PML: variants seen among roughly 807,000 people sequenced by gnomAD.
The protein encoded by PML is protein PML.
Under a neutral mutation model 65.2 loss-of-function variants are expected in PML, and 28 were observed. That is an observed-to-expected ratio of 0.43 (90% CI 0.32 to 0.59). The LOEUF (loss-of-function observed/expected upper bound fraction) is 0.59, where lower values mean the gene tolerates loss of function less well. PML is among the 20% of genes least tolerant of loss of function. PML has a pLI of 0.08. For missense variants in PML, 1,021 were observed against 1,203.4 expected, an observed-to-expected ratio of 0.85 and a Z score of 2.24; for synonymous variants, 500 against 508.8, an observed-to-expected ratio of 0.98 and a Z score of 0.23.
At chr15:74,013,195 TCTC>T (rs1176159987) in intron 2 of PML, among the ~76,000 whole-genome samples, 6 of 152,220 alleles carry the variant, frequency 3.9e-5, no homozygotes, top group African/African-American at 7.2e-5. Flanking sequence ...TTAAATTACT[TCTC>T]CTCCATCTTC....
In PML at chr15:74,045,720, C is replaced by T. The variant is rs2071763935; in HGVS notation, c.*712C>T. On this transcript the variant is annotated 3_prime_UTR_variant, in exon 9 of 9. Coordinates refer to ENST00000268058, the MANE Select transcript of PML (RefSeq NM_033238.3). ...CTTTGGTCCTCAGGCCACCAGACCC[C>T]TCACAGCATGGCCCTTGGCTCTTCC... is the stretch of plus-strand genomic sequence containing the variant. 4.3e-6 allele frequency: 1 copy of T among 233,924 alleles called. No homozygotes were observed. The highest frequency in any genetic ancestry group is 2.2e-5 in the African/African-American group (1 of 45,350). 14.5% of individuals were successfully genotyped at this position (233,924 alleles called of 1,614,324 possible). A position where few individuals can be genotyped will look rare whatever the true frequency, so the allele number is the denominator to read the frequency against.
At chr15:74,040,914 C>G (rs938185275) in intron 7 of PML, among the ~76,000 whole-genome samples, 1 of 152,162 alleles carries the variant, frequency 6.6e-6, no homozygotes, top group African/African-American at 2.4e-5. Context: ...ATGGAAGGCT[C>G]TAAAAACGAG....
At position 73,998,014 on chromosome 15, in the gene PML, C is replaced by T; in HGVS notation, c.140C>T (p.Ala47Val). 6.2e-7 allele frequency: 1 copy of T among 1,612,098 alleles called. No individual in the cohort carries two copies. Among genetic ancestry groups the T allele is most frequent in the Non-Finnish European group, 8.5e-7 (1 of 1,179,774 alleles). ...TCTCTGGTCCCCCAGCGAGCCCCCG[C>T]TTCGGAGGAGGAGTTCCAGTTTCTG... ...PSPSPTERAP[A>V]SEEEFQFLRC... Residue 47 changes from alanine (A) to valine (V), a missense_variant, in exon 2 of 9, where the codon GCT becomes GTT. Ala to Val is a moderately conservative substitution (Grantham distance 64). Transcript: ENST00000268058.
chr15:74,018,322 C>CAA (rs10663510), intron 2 of PML, among the ~76,000 whole-genome samples: 1,237 of 94,784 alleles, frequency 0.013, 21 homozygotes, highest in African/African-American at 0.047. Flanking sequence ...GACTCAGTCT[C>CAA]AAAAAAAAAA....
Position 74,035,352 on chromosome 15 carries a change from G to A in PML, c.1710+822G>A, listed in dbSNP as rs754391223. On this transcript the variant is annotated intron_variant, in intron 7 of 8. Coordinates refer to ENST00000268058, the MANE Select transcript of PML (RefSeq NM_033238.3). This position sits in a 1 kb window ranked among gnomAD's most constrained non-coding sequence, Gnocchi z 4.1. Reference sequence around the variant, plus strand: ...GCCTCCCCACCAGCCCGCTGAGCAGGCTGCCACCCCCGATGCTGAGCCTCA... The same window carrying A: ...GCCTCCCCACCAGCCCGCTGAGCAGACTGCCACCCCCGATGCTGAGCCTCA... 6.2e-7 allele frequency: 1 copy of A among 1,612,080 alleles called. No homozygotes were observed. Among genetic ancestry groups the A allele is most frequent in the African/African-American group, 1.3e-5 (1 of 75,008 alleles).
chr15:74,031,342 T>C, intron 4 of PML: 1 of 408,896 alleles, frequency 2.4e-6, no homozygotes, highest in South Asian at 1.8e-5. Context: ...TGACACAATC[T>C]CGGCTCACTG....
At chr15:74,028,313 G>T (rs1329324076) in intron 4 of PML, 1 of 152,118 alleles carries the variant, frequency 6.6e-6, no homozygotes, top group African/African-American at 2.4e-5. Flanking sequence ...GGTTGGGACA[G>T]AGGCAGAGAA....
intron 2 of PML, among the ~76,000 whole-genome samples, chr15:74,014,880 A>G (rs1166353828): frequency 2.0e-5 from 3 of 152,216 alleles, no homozygotes; most frequent in Non-Finnish European, 4.4e-5. Context: ...CAGGGAACCC[A>G]CGTGGCAGTG....
In PML at chr15:73,994,888, C is replaced by A. The variant is rs1346221283; in HGVS notation, c.76C>A (p.Pro26Thr). Residue 26 changes from proline (P) to threonine (T), a missense_variant, in exon 1 of 9, where the codon CCC (proline) becomes ACC (threonine). By Grantham distance (38) the Pro-to-Thr change is conservative. Coordinates refer to ENST00000268058, the MANE Select transcript of PML (RefSeq NM_033238.3). Reference sequence around the variant, plus strand: ...GCCCCAGGAGCCCACCATGCCTCCCCCCGAGACCCCCTCTGAAGGCCGCCA... The same window carrying A: ...GCCCCAGGAGCCCACCATGCCTCCCACCGAGACCCCCTCTGAAGGCCGCCA... ...ARPQEPTMPP[P>T]ETPSEGRQPS... 1.9e-6 allele frequency: 3 copies of A among 1,552,210 alleles called. No homozygotes were observed. Among genetic ancestry groups the A allele is most frequent in the Admixed American group, 3.9e-5 (2 of 51,806 alleles).
intron 2 of PML, among the ~76,000 whole-genome samples, chr15:74,009,067 G>A (rs1264286576): frequency 2.0e-5 from 3 of 152,086 alleles, no homozygotes; most frequent in African/African-American, 4.8e-5. Flanking sequence ...GTGTGGAGAC[G>A]GCTGTGGTCC....
rs1261583266 is a variant in PML, at chr15:74,024,843, T to G, written c.1184-14T>G. 1.2e-6 allele frequency: 2 copies of G among 1,607,748 alleles called. No homozygotes were observed. The highest frequency in any genetic ancestry group is 1.7e-5 in the Admixed American group (1 of 60,000). On this transcript the variant is annotated splice_polypyrimidine_tract_variant and intron_variant, in intron 3 of 8. Coordinates refer to ENST00000268058, the MANE Select transcript of PML (RefSeq NM_033238.3). ...TGTCCTTGACCTGCCTGTGACCTTC[T>G]TTGTGTTCTACAGATGCAGCTGTAT...
chr15:74,013,404 A>G (rs1459525727), intron 2 of PML, among the ~76,000 whole-genome samples: 1 of 152,240 alleles, frequency 6.6e-6, no homozygotes, highest in African/African-American at 2.4e-5. Context: ...TTCACTTGAT[A>G]CATATTTTTA....
chr15:74,037,113 T>A lies in PML; in HGVS notation c.1710+2583T>A. On this transcript the variant is annotated intron_variant, in intron 7 of 8. Transcript: ENST00000268058. This position sits in a 1 kb window ranked among gnomAD's most constrained non-coding sequence, Gnocchi z 4.2. ...TGGGAAAACTATGAGTGGTTGCCTG[T>A]GACTGCTAAGGGCTCCTTGGTGCTC... 1.0e-6 allele frequency: 1 copy of A among 985,438 alleles called. No individual in the cohort carries two copies. The highest frequency in any genetic ancestry group is 1.2e-6 in the Non-Finnish European group (1 of 829,924). The allele number at this position is 985,438 out of a possible 1,614,324, so 61.0% of individuals were successfully genotyped here. A position where few individuals can be genotyped will look rare whatever the true frequency, so the allele number is the denominator to read the frequency against.
chr15:74,032,583 A>G lies in PML; in HGVS notation c.1266A>G (p.Ala422=), dbSNP rs1484373412. Residue 422 remains alanine (A), a synonymous_variant, in exon 5 of 9, where the codon GCA becomes GCG. Coordinates refer to ENST00000268058, the MANE Select transcript of PML (RefSeq NM_033238.3). ...TCCCAACTTTGCAGCCCGAGGAGGC[A>G]GAGAGAGTGAAGGCCCAGGTTCAGG... ...DPIDVDLPEE[A]ERVKAQVQAL... 1 of 1,614,078 alleles carries G rather than the reference A, an allele frequency of 6.2e-7. No homozygotes were observed. The highest frequency in any genetic ancestry group is 2.2e-5 in the East Asian group (1 of 44,878).
chr15:74,015,573 C>T (rs2070533766), intron 2 of PML, among the ~76,000 whole-genome samples: 2 of 152,194 alleles, frequency 1.3e-5, no homozygotes. Flanking sequence ...TAGCATGCTC[C>T]CCTGGCCCAA....
intron 2 of PML, among the ~76,000 whole-genome samples, chr15:74,002,611 G>GTTTTTTT (rs34203409): frequency 7.8e-6 from 1 of 128,850 alleles, no homozygotes; most frequent in Non-Finnish European, 1.6e-5. Context: ...GCCCGGCTAA[G>GTTTTTTT]TTTTTTTTTT....
Position 74,008,386 on chromosome 15 carries a change from C to G in PML, c.602+9910C>G, listed in dbSNP as rs192648252. ...GCCTTCATACCACCTAATCTTCTCA[C>G]CAGTGACTATCCTCTGGAAGACAAT... On this transcript the variant is annotated intron_variant, in intron 2 of 8. Coordinates refer to ENST00000268058, the MANE Select transcript of PML (RefSeq NM_033238.3). 2.1e-3 allele frequency among the ~76,000 whole-genome samples: 317 copies of G among 152,328 alleles called. 1 individual carries two copies. The highest frequency in any genetic ancestry group is 7.5e-3 in the African/African-American group (312 of 41,574).
chr15:74,010,517 TAAAA>T (rs59230084), intron 2 of PML, among the ~76,000 whole-genome samples: 1 of 133,518 alleles, frequency 7.5e-6, no homozygotes, highest in Non-Finnish European at 1.6e-5. Context: ...GCCTTGTCTC[TAAAA>T]AAAAAAAAAA....
chr15:74,001,124 C>CT (rs973071101), intron 2 of PML, among the ~76,000 whole-genome samples: 1 of 152,086 alleles, frequency 6.6e-6, no homozygotes, highest in Non-Finnish European at 1.5e-5. Context: ...ACTATACCCC[C>CT]TTTTTTTATT....
Sources: gnomAD v4.1 joint callset for allele counts (sites outside exome capture counted in the v4.1 genomes callset) on GRCh38, gnomAD v4.1.1 for gene constraint, Gnocchi (gnomAD v3.1) non-coding constraint, MANE v1.5 for transcripts, NCBI Gene and HGNC (gene_info 2026-07-23, HGNC 2026-07-21) for gene names.